The following GNPTAB variants were observed in gnomAD, a reference collection of about 807,000 sequenced individuals.
The protein encoded by GNPTAB is N-acetylglucosamine-1-phosphate transferase subunits alpha and beta, also known as N-acetylglucosamine-1-phosphotransferase subunits alpha/beta.
Under a neutral mutation model 136.6 loss-of-function variants are expected in GNPTAB, and 92 were observed. The observed-to-expected ratio is 0.67, with a 90% confidence interval of 0.57 to 0.80. GNPTAB has a LOEUF of 0.80. Ranked by LOEUF, GNPTAB falls within the 30% of genes least tolerant of loss-of-function variation. The pLI is 0.00. For missense variants in GNPTAB, 1,343 were observed against 1,501.8 expected, an observed-to-expected ratio of 0.89 and a Z score of 1.75; for synonymous variants, 512 against 535.1, an observed-to-expected ratio of 0.96 and a Z score of 0.60.
chr12:101,766,926 T>C (rs1953103587), intron 11 of GNPTAB, among the ~76,000 whole-genome samples: 1 of 152,168 alleles, frequency 6.6e-6, no homozygotes, highest in Admixed American at 6.5e-5. Context: ...CCAAAGACTG[T>C]GACTATCAGA....
intron 15 of GNPTAB, among the ~76,000 whole-genome samples, chr12:101,760,669 AAAAC>A (rs1298027652): frequency 5.3e-5 from 8 of 152,348 alleles, no homozygotes; most frequent in African/African-American, 1.9e-4. Context: ...TTCTAGCACT[AAAAC>A]AGACTAGCTA....
At position 101,749,200 on chromosome 12, in the gene GNPTAB, AGAG is replaced by A. The variant is rs2137097855; in HGVS notation, c.3603-12_3603-10del. On this transcript the variant is annotated splice_polypyrimidine_tract_variant and intron_variant, in intron 19 of 20. Transcript: ENST00000299314. ...TGTCTCGATAAGCCCTCCTGTGCAGAGAGAAGAAAGCAACTATGTACTTCTGTA... is the reference window on the plus strand; with the variant it reads ...TGTCTCGATAAGCCCTCCTGTGCAGAAAGAAAGCAACTATGTACTTCTGTA... 6.5e-7 allele frequency: 1 copy of A among 1,543,746 alleles called. No individual in the cohort carries two copies. The highest frequency in any genetic ancestry group is 9.0e-7 in the Non-Finnish European group (1 of 1,116,348).
chr12:101,777,879 G>A (rs556120794), intron 7 of GNPTAB, among the ~76,000 whole-genome samples: 2 of 152,270 alleles, frequency 1.3e-5, no homozygotes, highest in South Asian at 4.1e-4. Context: ...AGTCCCTGAA[G>A]TTGATCACAG....
At chr12:101,808,873 G>A (rs973205321) in intron 1 of GNPTAB, among the ~76,000 whole-genome samples, 8 of 152,140 alleles carry the variant, frequency 5.3e-5, no homozygotes, top group East Asian at 1.9e-4. Flanking sequence ...GCCTGAACCC[G>A]GGAGGCGGAG....
At position 101,752,947 on chromosome 12, in the gene GNPTAB, CAAATA is replaced by C. The variant is rs754807412; in HGVS notation, c.3602+420_3602+424del. ...TACATTTTACAAAGAAATTAAAGAG[CAAATA>C]ACACGTTAAAGAAATTTTGGCCGAG... On this transcript the variant is annotated intron_variant, in intron 19 of 20. Coordinates refer to ENST00000299314, the MANE Select transcript of GNPTAB (RefSeq NM_024312.5). 4.6e-5 allele frequency among the ~76,000 whole-genome samples: 7 copies of C among 152,138 alleles called. No individual in the cohort carries two copies. The South Asian group carries it at 1.0e-3, about 23-fold the overall frequency.
chr12:101,756,472 G>T, intron 18 of GNPTAB: 1 of 396,764 alleles, frequency 2.5e-6, no homozygotes, highest in Admixed American at 3.1e-5. Flanking sequence ...TAGTCAGGAG[G>T]CTGAGGTGGG....
intron 1 of GNPTAB, among the ~76,000 whole-genome samples, chr12:101,803,385 GCAGCATTTCTA>G (rs1869750644): frequency 2.0e-5 from 3 of 152,198 alleles, no homozygotes. Context: ...CTGATTGCCA[GCAGCATTTCTA>G]ATCACATTCG....
intron 8 of GNPTAB, 97 bp from the exon 9 acceptor site, chr12:101,770,682 C>T (rs1953158227): frequency 2.3e-6 from 2 of 856,194 alleles, no homozygotes; most frequent in African/African-American, 1.7e-5. Context: ...TCTCAAGGTG[C>T]TCTGGCAGAC....
At chr12:101,807,307 G>A (rs1455529910) in intron 1 of GNPTAB, among the ~76,000 whole-genome samples, 1 of 152,100 alleles carries the variant, frequency 6.6e-6, no homozygotes, top group East Asian at 1.9e-4. Context: ...CACAAAAACA[G>A]TTTCACCTAA....
At chr12:101,790,080 C>T (rs1278084626) in intron 2 of GNPTAB, 23 bp from the exon 3 acceptor site, 1 of 1,613,946 alleles carries the variant, frequency 6.2e-7, no homozygotes, top group African/African-American at 1.3e-5. Context: ...AACAAATCCT[C>T]CAGCTTAAAT....
chr12:101,826,175 T>G (rs1050353897), intron 1 of GNPTAB, among the ~76,000 whole-genome samples: 1 of 152,226 alleles, frequency 6.6e-6, no homozygotes, highest in Admixed American at 6.5e-5. Flanking sequence ...AACTCATTGA[T>G]TCAAAATGGC....
chr12:101,799,066 T>A (rs746261870), intron 1 of GNPTAB, among the ~76,000 whole-genome samples: 34 of 152,006 alleles, frequency 2.2e-4, no homozygotes, highest in Non-Finnish European at 4.4e-4. Flanking sequence ...AAAAAGGCAA[T>A]GAAAAATTAT....
chr12:101,759,845 G>T (rs562899888), intron 16 of GNPTAB, among the ~76,000 whole-genome samples, 185 bp downstream of exon 16: 1 of 152,328 alleles, frequency 6.6e-6, no homozygotes, highest in East Asian at 1.9e-4. Flanking sequence ...CATCTATGGG[G>T]TGAACAGTAA....
chr12:101,761,655 G>T lies in GNPTAB; in HGVS notation c.2824C>A (p.Leu942Ile). The change falls in exon 14 of 21, where the codon CTA (leucine) becomes ATA (isoleucine). Residue 942 changes from leucine (L) to isoleucine (I), a missense_variant. Coordinates refer to ENST00000299314, the MANE Select transcript of GNPTAB (RefSeq NM_024312.5). The stretch of plus-strand genomic sequence containing the variant: ...GATGTGAATCCAAACTTGCTATTTA[G>T]AATTTTATTTACATATCTGAGGGAA... The part of the protein sequence containing the change: ...ADSLRYVNKI[L>I]NSKFGFTSRK... 2 of 1,614,078 alleles carry T rather than the reference G, an allele frequency of 1.2e-6. No homozygotes were observed. Among genetic ancestry groups the T allele is most frequent in the Non-Finnish European group, 1.7e-6 (2 of 1,179,940 alleles).
intron 18 of GNPTAB, among the ~76,000 whole-genome samples, chr12:101,754,764 C>G (rs1952876877): frequency 6.6e-6 from 1 of 151,518 alleles, no homozygotes; most frequent in Non-Finnish European, 1.5e-5. Context: ...TCAAACAAAC[C>G]TGATAAAGCC....
chr12:101,778,976 G>T (rs918132346), intron 7 of GNPTAB: 2 of 151,156 alleles, frequency 1.3e-5, no homozygotes, highest in African/African-American at 4.8e-5. Context: ...CATTACCATT[G>T]TATTACAAGG....
intron 19 of GNPTAB, among the ~76,000 whole-genome samples, chr12:101,752,499 C>T (rs575020999): frequency 6.6e-6 from 1 of 152,350 alleles, no homozygotes; most frequent in East Asian, 1.9e-4. Context: ...GTTATAAAGG[C>T]TAACCAGATA....
intron 5 of GNPTAB, among the ~76,000 whole-genome samples, chr12:101,781,505 A>C (rs1373454141): frequency 6.6e-6 from 1 of 152,094 alleles, no homozygotes; most frequent in Non-Finnish European, 1.5e-5. Flanking sequence ...GTCTCTACAA[A>C]AAACAAACAA....
intron 4 of GNPTAB, 67 bp downstream of exon 4, chr12:101,788,481 A>T: frequency 1.0e-6 from 1 of 957,540 alleles, no homozygotes; most frequent in Non-Finnish European, 1.7e-6. Flanking sequence ...AATAAAAACA[A>T]ATGATAATCT....
Sources: allele counts gnomAD v4.1 joint callset (sites outside exome capture counted in the v4.1 genomes callset), GRCh38; gene constraint gnomAD v4.1.1; transcripts MANE v1.5; gene names NCBI Gene and HGNC (gene_info 2026-07-23, HGNC 2026-07-21).